C17orf58: variants seen among roughly 807,000 people sequenced by gnomAD.
C17orf58 encodes chromosome 17 open reading frame 58.
A neutral mutation model predicts 7.4 loss-of-function variants in C17orf58; 5 were observed. The ratio of observed to expected loss-of-function variants is 0.67; its 90% CI spans 0.35 to 1.42. The LOEUF is 1.42. Ranked by LOEUF, C17orf58 falls within the 40% of genes most tolerant of loss-of-function variation. The pLI, the probability that C17orf58 is intolerant of heterozygous loss-of-function variation, is 0.04. For synonymous variants in C17orf58, 60 were observed against 70.6 expected (o/e 0.85, Z 0.75); for missense variants, 162 against 174.2 (o/e 0.93, Z 0.40).
intron 1 of C17orf58, among the ~76,000 whole-genome samples, chr17:67,995,756 G>C (rs1162073776): frequency 6.6e-6 from 1 of 152,224 alleles, no homozygotes; most frequent in Non-Finnish European, 1.5e-5. Context: ...GTCGAGGGGG[G>C]CGGACCCCGC....
chr17:67,994,516 G>GTGTGTGTGTGTGTATA (rs1244199425), intron 1 of C17orf58, among the ~76,000 whole-genome samples: 30 of 89,534 alleles, frequency 3.4e-4, no homozygotes, highest in African/African-American at 1.0e-3. Context: ...GTGTGTGTGT[G>GTGTGTGTGTGTGTATA]TATATATATA....
intron 1 of C17orf58, 106 bp from the exon 2 acceptor site, chr17:67,994,090 G>T: frequency 2.8e-6 from 1 of 357,214 alleles, no homozygotes; most frequent in East Asian, 4.1e-5. Context: ...AAGAGGGAAG[G>T]GGAGGCTGAG....
At position 67,991,827 on chromosome 17, in the gene C17orf58, A is replaced by T. The variant is rs1555699264; in HGVS notation, c.*86T>A. On this transcript the variant is annotated 3_prime_UTR_variant, in exon 4 of 4. Transcript: ENST00000580729. ...GTAGCTGAGGGCTCTCTTCTGAAGGAGGACCCATTACATGAAGGTAGACCT... is the reference window on the plus strand; with the variant it reads ...GTAGCTGAGGGCTCTCTTCTGAAGGTGGACCCATTACATGAAGGTAGACCT... The T allele has an allele frequency of 5.4e-6, 6 of 1,121,378 alleles. No homozygotes were observed. Among genetic ancestry groups the T allele is most frequent in the Non-Finnish European group, 7.6e-6 (6 of 784,526 alleles). The allele number at this position is 1,121,378 out of a possible 1,614,324, so 69.5% of individuals were successfully genotyped here.
intron 1 of C17orf58, among the ~76,000 whole-genome samples, chr17:67,994,537 A>ATATATATATATATAT (rs1555699628): frequency 2.5e-5 from 1 of 39,956 alleles, no homozygotes; most frequent in African/African-American, 5.8e-5. Context: ...TATATATATA[A>ATATATATATATATAT]AACATATATA....
In C17orf58 at chr17:67,993,987, G is replaced by A; in HGVS notation, c.77-3C>T. 2.5e-6 allele frequency: 1 copy of A among 396,112 alleles called. No homozygotes were observed. The highest frequency in any genetic ancestry group is 4.5e-6 in the Non-Finnish European group (1 of 224,650). 24.5% of individuals were successfully genotyped at this position (396,112 alleles called of 1,614,324 possible). A position where few individuals can be genotyped will look rare whatever the true frequency, so the allele number is the denominator to read the frequency against. On this transcript the variant is annotated splice_polypyrimidine_tract_variant and splice_region_variant and intron_variant, in intron 1 of 3. Coordinates refer to ENST00000580729, the MANE Select transcript of C17orf58 (RefSeq NM_001382359.1). The surrounding 1 kb of genome is among the most constrained non-coding windows in gnomAD (Gnocchi z 5.1). ...CTTTCTGCTGTGCGGCGGCGAGGCT[G>A]TGGGGAGAGAAGAGGAGAGGCGGGA...
In C17orf58 at chr17:67,991,826, G is replaced by A; in HGVS notation, c.*87C>T. 1 of 1,117,338 alleles carries A rather than the reference G, an allele frequency of 8.9e-7. No individual in the cohort carries two copies. The highest frequency in any genetic ancestry group is 1.5e-5 in the African/African-American group (1 of 64,648). 69.2% of individuals were successfully genotyped at this position (1,117,338 alleles called of 1,614,324 possible). The stretch of plus-strand genomic sequence containing the variant: ...AGTAGCTGAGGGCTCTCTTCTGAAG[G>A]AGGACCCATTACATGAAGGTAGACC... On this transcript the variant is annotated 3_prime_UTR_variant, in exon 4 of 4. Transcript: ENST00000580729.
At position 67,996,235 on chromosome 17, in the gene C17orf58, C is replaced by T. The variant is rs1568262483; in HGVS notation, c.-37G>A. 1 of 398,886 alleles carries T rather than the reference C, an allele frequency of 2.5e-6. No individual in the cohort carries two copies. Among genetic ancestry groups the T allele is most frequent in the Non-Finnish European group, 4.4e-6 (1 of 226,096 alleles). 24.7% of individuals were successfully genotyped at this position (398,886 alleles called of 1,614,324 possible). On this transcript the variant is annotated 5_prime_UTR_variant, in exon 1 of 4. Transcript: ENST00000580729. ...GGGTTCCCAGGCTCTAAAAGTGAGCCTGGTCTTTTGCTTGCTTTCTCTCCC... is the reference window on the plus strand; with the variant it reads ...GGGTTCCCAGGCTCTAAAAGTGAGCTTGGTCTTTTGCTTGCTTTCTCTCCC...
chr17:67,995,843 T>A (rs1334391583), intron 1 of C17orf58, among the ~76,000 whole-genome samples: 5 of 152,216 alleles, frequency 3.3e-5, no homozygotes, highest in African/African-American at 9.6e-5. Flanking sequence ...CCCTCCTCCG[T>A]GATGGAGCAA....
chr17:67,996,086 G>A (rs2070889563), intron 1 of C17orf58, 37 bp downstream of exon 1: 1 of 396,592 alleles, frequency 2.5e-6, no homozygotes, highest in South Asian at 1.3e-4. Context: ...ACAGATCCCC[G>A]CTCCGCTCCC....
chr17:67,991,741 T>C lies in C17orf58; in HGVS notation c.*172A>G. 3.8e-6 allele frequency: 2 copies of C among 533,100 alleles called. No individual in the cohort carries two copies. The highest frequency in any genetic ancestry group is 6.5e-6 in the Non-Finnish European group (2 of 307,646). The allele number at this position is 533,100 out of a possible 1,614,324, so 33.0% of individuals were successfully genotyped here. ...AGGAGCAGCCCATTTAAGAAGCATCTTGTAAATAACAAAGTGACACCTTCG... is the reference window on the plus strand; with the variant it reads ...AGGAGCAGCCCATTTAAGAAGCATCCTGTAAATAACAAAGTGACACCTTCG... On this transcript the variant is annotated 3_prime_UTR_variant, in exon 4 of 4. Coordinates refer to ENST00000580729, the MANE Select transcript of C17orf58 (RefSeq NM_001382359.1).
At position 67,993,018 on chromosome 17, in the gene C17orf58, A is replaced by G. The variant is rs1370892088; in HGVS notation, c.829+26T>C. 1 of 1,614,058 alleles carries G rather than the reference A, an allele frequency of 6.2e-7. No homozygotes were observed. Among genetic ancestry groups the G allele is most frequent in the Non-Finnish European group, 8.5e-7 (1 of 1,180,030 alleles). ...AAACGGTGGTATAAAGTACATATGC[A>G]GCGTCATTCAGGTCAGTTTCAATAC... On this transcript the variant is annotated intron_variant, in intron 3 of 3. Transcript: ENST00000580729. The surrounding 1 kb of genome is among the most constrained non-coding windows in gnomAD (Gnocchi z 5.1).
At chr17:67,992,334 G>A (rs529792474) in intron 3 of C17orf58, among the ~76,000 whole-genome samples, 39 of 152,186 alleles carry the variant, frequency 2.6e-4, no homozygotes, top group African/African-American at 9.4e-4. Flanking sequence ...TTGGGAGGCC[G>A]AGGTGGGCAG....
chr17:67,996,031 C>G (rs1218904607), intron 1 of C17orf58, 92 bp downstream of exon 1: 1 of 398,588 alleles, frequency 2.5e-6, no homozygotes, highest in African/African-American at 2.1e-5. Flanking sequence ...TCTGACCCCC[C>G]TCCTCGTCCC....
Position 67,993,128 on chromosome 17 carries a change from T to C in C17orf58, c.745A>G (p.Thr249Ala), listed in dbSNP as rs782673283. ...ACTCGGAAGAAGAAGCCGTCGGGGG[T>C]GAGGTACAGGCGGTTCATCTTGTAC... is the stretch of plus-strand genomic sequence containing the variant. ...GLYKMNRLYL[T>A]PDGFFFRVHM... The change falls in exon 3 of 4, where the codon ACC (threonine) becomes GCC (alanine). Residue 249 changes from threonine to alanine, a missense_variant. Thr to Ala is a moderately conservative substitution (Grantham distance 58). Around this residue, in one of 3 missense-constraint regions of C17orf58, gnomAD observed 93 missense variants for 90.4 expected, o/e 1.03. Coordinates refer to ENST00000580729, the MANE Select transcript of C17orf58 (RefSeq NM_001382359.1). This position sits in a 1 kb window ranked among gnomAD's most constrained non-coding sequence, Gnocchi z 5.1. 2.5e-6 allele frequency: 4 copies of C among 1,613,730 alleles called. No homozygotes were observed. The South Asian group carries it at 4.4e-5, about 18-fold the overall frequency.
intron 3 of C17orf58, chr17:67,992,751 G>T: frequency 2.8e-6 from 3 of 1,075,946 alleles, no homozygotes; most frequent in Non-Finnish European, 4.0e-6. Context: ...ACTCGGTTCT[G>T]TACAGTCCCT....
chr17:67,995,123 G>A (rs532975384), intron 1 of C17orf58, among the ~76,000 whole-genome samples: 1 of 152,268 alleles, frequency 6.6e-6, no homozygotes, highest in Non-Finnish European at 1.5e-5. Flanking sequence ...TGCAGCTCTG[G>A]CAACACTTCA....
Position 67,991,887 on chromosome 17 carries a change from G to A in C17orf58, c.*26C>T, listed in dbSNP as rs534885788. ...TGTTGCCGACGTCCAAGTCTCTTGC[G>A]GTCCAGAAATGCCAGGATGGTTGTT... On this transcript the variant is annotated 3_prime_UTR_variant, in exon 4 of 4. Coordinates refer to ENST00000580729, the MANE Select transcript of C17orf58 (RefSeq NM_001382359.1). The A allele has an allele frequency of 1.4e-4, 216 of 1,561,920 alleles. No homozygotes were observed. Among genetic ancestry groups the A allele is most frequent in the Middle Eastern group, 3.4e-4 (2 of 5,838 alleles).
At chr17:67,992,255 C>G (rs2070840735) in intron 3 of C17orf58, among the ~76,000 whole-genome samples, 152 bp from the exon 4 acceptor site, 1 of 152,184 alleles carries the variant, frequency 6.6e-6, no homozygotes. Context: ...CTGGTGGAAA[C>G]AGCCTAGCCA....
Position 67,994,004 on chromosome 17 carries a change from G to A in C17orf58, c.77-20C>T. On this transcript the variant is annotated intron_variant, in intron 1 of 3. Coordinates refer to ENST00000580729, the MANE Select transcript of C17orf58 (RefSeq NM_001382359.1). ...GCGAGGCTGTGGGGAGAGAAGAGGA[G>A]AGGCGGGAAGGCGGTGGGGGAGGAG... 2.5e-6 allele frequency: 1 copy of A among 395,056 alleles called. No homozygotes were observed. Among genetic ancestry groups the A allele is most frequent in the Non-Finnish European group, 4.5e-6 (1 of 223,894 alleles). The allele number at this position is 395,056 out of a possible 1,614,324, so 24.5% of individuals were successfully genotyped here.
Sources: gnomAD v4.1 joint callset for allele counts (sites outside exome capture counted in the v4.1 genomes callset) on GRCh38, gnomAD v4.1.1 for gene constraint, gnomAD v4.1.1 regional missense constraint, Gnocchi (gnomAD v3.1) non-coding constraint, MANE v1.5 for transcripts, NCBI Gene and HGNC (gene_info 2026-07-23, HGNC 2026-07-21) for gene names.